Variants in VKORC1L1 observed in about 807,000 individuals in gnomAD.
The protein encoded by VKORC1L1 is vitamin K epoxide reductase complex subunit 1-like protein 1.
VKORC1L1 carries 2 observed loss-of-function variants against 18.9 expected under a neutral mutation model. The observed-to-expected ratio is 0.11, with a 90% CI of 0.04 to 0.33. The LOEUF is 0.33. VKORC1L1 is among the 10% of genes least tolerant of loss of function. The pLI is 1.00. For synonymous variants in VKORC1L1, 96 were observed against 100.0 expected, an observed-to-expected ratio of 0.96 and a Z score of 0.24; for missense variants, 123 against 224.1, an observed-to-expected ratio of 0.55 and a Z score of 2.88.
intron 1 of VKORC1L1, among the ~76,000 whole-genome samples, chr7:65,936,450 G>T (rs948745089): frequency 6.6e-6 from 1 of 152,154 alleles, no homozygotes. Flanking sequence ...GTTTTAACAG[G>T]CAATCCAGTT....
chr7:65,933,714 A>G (rs1274604495), intron 1 of VKORC1L1, among the ~76,000 whole-genome samples: 2 of 152,150 alleles, frequency 1.3e-5, no homozygotes, highest in Non-Finnish European at 2.9e-5. Context: ...GTTTAGATTT[A>G]GGTCAACCTC....
At chr7:65,919,514 A>T (rs184534999) in intron 1 of VKORC1L1, among the ~76,000 whole-genome samples, 13 of 151,906 alleles carry the variant, frequency 8.6e-5, no homozygotes, top group Admixed American at 5.9e-4. Context: ...AAAGTCAGAA[A>T]CCTCTGTGTC....
Position 65,916,400 on chromosome 7 carries a change from G to T in VKORC1L1, c.195-32271G>T, listed in dbSNP as rs748483001. Among the ~76,000 whole-genome samples, 13 of 151,952 alleles carry T rather than the reference G, an allele frequency of 8.6e-5. 1 individual carries two copies. In the South Asian group the frequency reaches 1.2e-3, roughly 15 times the overall value. On this transcript the variant is annotated intron_variant, in intron 1 of 2. Coordinates refer to ENST00000360768, the MANE Select transcript of VKORC1L1 (RefSeq NM_173517.6). The stretch of plus-strand genomic sequence containing the variant: ...GCCTTCTTCTAAGTCCTTTTCTCCT[G>T]ACTTCCATCGCCTTCGATAGCTTCC...
At chr7:65,869,513 G>A (rs1479004173), upstream of VKORC1L1, among the ~76,000 whole-genome samples, 1 of 151,942 alleles carries the variant, frequency 6.6e-6, no homozygotes, top group Non-Finnish European at 1.5e-5. Flanking sequence ...TGGATGCAAA[G>A]GTCATCAGAG....
chr7:65,924,950 C>A (rs1309991907), intron 1 of VKORC1L1, among the ~76,000 whole-genome samples: 4 of 152,142 alleles, frequency 2.6e-5, no homozygotes, highest in African/African-American at 9.7e-5. Context: ...TTTTCCATCA[C>A]CTTCATGGGT....
intron 1 of VKORC1L1, among the ~76,000 whole-genome samples, chr7:65,879,085 A>G (rs754372404): frequency 6.6e-6 from 1 of 151,834 alleles, no homozygotes; most frequent in African/African-American, 2.4e-5. Context: ...ACAAACATCC[A>G]CGTGACCATA....
chr7:65,885,798 A>G (rs1789001724), intron 1 of VKORC1L1, among the ~76,000 whole-genome samples: 1 of 152,144 alleles, frequency 6.6e-6, no homozygotes, highest in East Asian at 1.9e-4. Flanking sequence ...GAAGTTTGAT[A>G]TCTGATAGGG....
the VKORC1L1 span, among the ~76,000 whole-genome samples, chr7:65,866,744 C>T: frequency 6.6e-6 from 1 of 152,020 alleles, no homozygotes; most frequent in Non-Finnish European, 1.5e-5. Context: ...ACCCCCATCT[C>T]TACAAAAAAT....
chr7:65,904,334 A>C (rs967013089), intron 1 of VKORC1L1, among the ~76,000 whole-genome samples: 5 of 152,120 alleles, frequency 3.3e-5, no homozygotes, highest in Admixed American at 6.5e-5. Context: ...CCTCCCGAGT[A>C]GGTGGGATTT....
intron 1 of VKORC1L1, among the ~76,000 whole-genome samples, 176 bp downstream of exon 1, chr7:65,873,741 G>T (rs1304746262): frequency 3.3e-5 from 5 of 150,956 alleles, no homozygotes; most frequent in Admixed American, 3.3e-4. Flanking sequence ...CTCCTGCCCG[G>T]GGGGCGGCCT....
At chr7:65,932,849 G>A (rs550428854) in intron 1 of VKORC1L1, among the ~76,000 whole-genome samples, 12 of 152,176 alleles carry the variant, frequency 7.9e-5, no homozygotes, top group Non-Finnish European at 1.5e-4. Context: ...GGAGGCCAAG[G>A]CGGGTGGATC....
chr7:65,895,454 A>G (rs1474921870), intron 1 of VKORC1L1, among the ~76,000 whole-genome samples: 46 of 19,586 alleles, frequency 2.3e-3, no homozygotes, highest in South Asian at 8.1e-3. Flanking sequence ...CATCTGTGAG[A>G]AAAAAAAAAA....
At chr7:65,944,498 G>A (rs1188601636) in intron 1 of VKORC1L1, among the ~76,000 whole-genome samples, 3 of 152,062 alleles carry the variant, frequency 2.0e-5, no homozygotes, top group Non-Finnish European at 4.4e-5. Context: ...TTTTTTGTAT[G>A]CGTTTTGTTT....
chr7:65,878,973 C>G lies in VKORC1L1; in HGVS notation c.194+5408C>G, dbSNP rs567844574. 2.0e-5 allele frequency among the ~76,000 whole-genome samples: 3 copies of G among 152,278 alleles called. No individual in the cohort carries two copies. In the East Asian group the frequency reaches 5.8e-4, roughly 29 times the overall value. ...TCGCTGCTTCGGATTTGAAAGATAA[C>G]AAAGCATGTACAGTGAAAAGTCTCC... On this transcript the variant is annotated intron_variant, in intron 1 of 2. Transcript: ENST00000360768.
intron 1 of VKORC1L1, among the ~76,000 whole-genome samples, chr7:65,918,740 G>A (rs1789628157): frequency 6.6e-6 from 1 of 152,192 alleles, no homozygotes; most frequent in Non-Finnish European, 1.5e-5. Flanking sequence ...TGTTAGCTGT[G>A]CAATTTTTTC....
At chr7:65,923,087 T>C (rs563113435) in intron 1 of VKORC1L1, among the ~76,000 whole-genome samples, 4 of 152,268 alleles carry the variant, frequency 2.6e-5, no homozygotes, top group Admixed American at 1.3e-4. Context: ...AGGACATAAT[T>C]GATGTGCTTG....
chr7:65,915,553 G>T (rs1789574872), intron 1 of VKORC1L1, among the ~76,000 whole-genome samples: 1 of 151,954 alleles, frequency 6.6e-6, no homozygotes, highest in African/African-American at 2.4e-5. Context: ...TGGGACTACA[G>T]GCGTGCCCAG....
chr7:65,878,093 TA>T lies in VKORC1L1; in HGVS notation c.194+4537del, dbSNP rs745583741. Among the ~76,000 whole-genome samples, 242 of 151,230 alleles carry T rather than the reference TA, an allele frequency of 1.6e-3. 2 individuals are homozygous for T. Among genetic ancestry groups the T allele is most frequent in the Middle Eastern group, 3.4e-3 (1 of 292 alleles). ...TCGGATTACTACCTCTCCCATATCT[TA>T]AAAAAAAAGTACCATCTATTTACTA... is the stretch of plus-strand genomic sequence containing the variant. On this transcript the variant is annotated intron_variant, in intron 1 of 2. Transcript: ENST00000360768.
chr7:65,873,855 G>C (rs919733616), intron 1 of VKORC1L1, among the ~76,000 whole-genome samples: 16 of 152,088 alleles, frequency 1.1e-4, no homozygotes, highest in Non-Finnish European at 2.2e-4. Flanking sequence ...GAGCGGTCGG[G>C]CGGGCTGGGG....
Sources: allele counts gnomAD v4.1 joint callset (sites outside exome capture counted in the v4.1 genomes callset), GRCh38; gene constraint gnomAD v4.1.1; transcripts MANE v1.5; gene names NCBI Gene and HGNC (gene_info 2026-07-23, HGNC 2026-07-21).